The following PDE6A variants were observed in gnomAD, a reference collection of about 807,000 sequenced individuals.
PDE6A encodes the protein phosphodiesterase 6A.
Under a neutral mutation model 106.3 loss-of-function variants are expected in PDE6A, and 84 were observed. The observed-to-expected ratio is 0.79, with a 90% CI of 0.66 to 0.95. PDE6A has a LOEUF of 0.95. Ranked by LOEUF, PDE6A falls within the 40% of genes least tolerant of loss-of-function variation. The pLI is 0.00. For missense variants in PDE6A, 1,052 were observed against 1,084.9 expected (o/e 0.97, Z 0.43); for synonymous variants, 394 against 386.6 (o/e 1.02, Z -0.23).
chr5:149,917,557 T>G (rs1320266806), intron 5 of PDE6A, among the ~76,000 whole-genome samples: 1 of 152,128 alleles, frequency 6.6e-6, no homozygotes, highest in African/African-American at 2.4e-5. Context: ...ACTGAATACT[T>G]CTAGGAGGCG....
intron 13 of PDE6A, among the ~76,000 whole-genome samples, chr5:149,892,688 A>G (rs1752588972): frequency 6.6e-6 from 1 of 151,952 alleles, no homozygotes; most frequent in Non-Finnish European, 1.5e-5. Flanking sequence ...ATGGAGTTTC[A>G]CAGGCTGACC....
At chr5:149,936,135 C>G (rs1391804040) in intron 1 of PDE6A, among the ~76,000 whole-genome samples, 4 of 127,132 alleles carry the variant, frequency 3.1e-5, no homozygotes, top group African/African-American at 1.6e-4. Context: ...CCCTGGGTGA[C>G]AGAGCAAGAC....
At chr5:149,942,818 A>G (rs1285788818) in intron 1 of PDE6A, among the ~76,000 whole-genome samples, 1 of 151,862 alleles carries the variant, frequency 6.6e-6, no homozygotes, top group Non-Finnish European at 1.5e-5. Flanking sequence ...TTTATGTTTG[A>G]CTTTACACAA....
chr5:149,920,661 A>G (rs1753677705), intron 5 of PDE6A, among the ~76,000 whole-genome samples: 1 of 152,160 alleles, frequency 6.6e-6, no homozygotes, highest in African/African-American at 2.4e-5. Context: ...CTCAGCTCCA[A>G]TCAAATTTGC....
intron 1 of PDE6A, among the ~76,000 whole-genome samples, chr5:149,942,251 T>C (rs245049): frequency 0.78 from 118,898 of 152,178 alleles, 47,085 homozygotes; most frequent in African/African-American, 0.9. Context: ...GTGTGAGCCA[T>C]CACACCCAGC....
At chr5:149,913,188 C>A (rs1325079576) in intron 6 of PDE6A, among the ~76,000 whole-genome samples, 1 of 152,064 alleles carries the variant, frequency 6.6e-6, no homozygotes, top group African/African-American at 2.4e-5. Context: ...TTGAGACCAG[C>A]CTGACCAACA....
chr5:149,905,676 A>G (rs940002377), intron 7 of PDE6A, among the ~76,000 whole-genome samples: 2 of 152,134 alleles, frequency 1.3e-5, no homozygotes, highest in African/African-American at 4.8e-5. Context: ...AAATTTAGGT[A>G]GTGCCTGACT....
intron 7 of PDE6A, among the ~76,000 whole-genome samples, chr5:149,904,343 A>C (rs1163946060): frequency 6.6e-6 from 1 of 152,190 alleles, no homozygotes; most frequent in African/African-American, 2.4e-5. Context: ...AATAAATGAA[A>C]GGTGTTGTAG....
At chr5:149,894,909 G>A (rs1027723646) in intron 13 of PDE6A, among the ~76,000 whole-genome samples, 4 of 151,972 alleles carry the variant, frequency 2.6e-5, no homozygotes, top group African/African-American at 7.3e-5. Context: ...GATTACAGGC[G>A]GCCCTGTTGA....
chr5:149,867,985 T>A, intron 18 of PDE6A, 110 bp downstream of exon 18: 2 of 1,186,228 alleles, frequency 1.7e-6, no homozygotes, highest in African/African-American at 1.5e-5. Context: ...TAGAGGAGGA[T>A]GGGACACAGG....
chr5:149,938,503 A>G (rs1296836616), intron 1 of PDE6A, among the ~76,000 whole-genome samples: 1 of 152,200 alleles, frequency 6.6e-6, no homozygotes, highest in African/African-American at 2.4e-5. Context: ...TGTCCAAGAC[A>G]CTGGGCTAGG....
chr5:149,914,018 C>T (rs2113627064), intron 6 of PDE6A, among the ~76,000 whole-genome samples: 1 of 152,334 alleles, frequency 6.6e-6, no homozygotes, highest in Admixed American at 6.5e-5. Flanking sequence ...TCCTTTGCAG[C>T]TTCCTGCTTT....
intron 17 of PDE6A, among the ~76,000 whole-genome samples, chr5:149,879,228 C>G (rs184863524): frequency 5.9e-5 from 9 of 151,934 alleles, no homozygotes; most frequent in African/African-American, 2.2e-4. Context: ...CCTGCTACCT[C>G]GCCTAGATAA....
At chr5:149,898,277 T>C (rs1752833785) in intron 10 of PDE6A, 86 bp downstream of exon 10, 5 of 1,225,014 alleles carry the variant, frequency 4.1e-6, no homozygotes, top group East Asian at 4.7e-5. Context: ...TGTGCCCTCA[T>C]GGAGTTGCAA....
chr5:149,938,056 C>A (rs1025744853), intron 1 of PDE6A, among the ~76,000 whole-genome samples: 5 of 152,178 alleles, frequency 3.3e-5, no homozygotes, highest in African/African-American at 1.2e-4. Context: ...TGAGGTTGTT[C>A]TCAGTGGGTT....
intron 8 of PDE6A, among the ~76,000 whole-genome samples, chr5:149,899,735 G>A (rs1482086308): frequency 1.3e-5 from 2 of 152,156 alleles, no homozygotes; most frequent in African/African-American, 2.4e-5. Context: ...GCCATTTTGT[G>A]TTCACCCCTC....
intron 4 of PDE6A, among the ~76,000 whole-genome samples, chr5:149,924,950 G>C (rs909925275): frequency 6.6e-6 from 1 of 152,136 alleles, no homozygotes; most frequent in Non-Finnish European, 1.5e-5. Context: ...CCTAGGCTGG[G>C]ATCCTCACGC....
At chr5:149,928,235 T>A (rs868317065) in intron 4 of PDE6A, among the ~76,000 whole-genome samples, 58 of 33,044 alleles carry the variant, frequency 1.8e-3, no homozygotes, top group East Asian at 5.5e-3. Flanking sequence ...ATATATATTT[T>A]TTTTTTTTTT....
At chr5:149,898,770 G>A (rs1298216256) in intron 9 of PDE6A, among the ~76,000 whole-genome samples, 1 of 152,240 alleles carries the variant, frequency 6.6e-6, no homozygotes, top group African/African-American at 2.4e-5. Flanking sequence ...TTTTGCCTAT[G>A]TGGGGATAGG....
Sources: allele counts gnomAD v4.1 joint callset (sites outside exome capture counted in the v4.1 genomes callset), GRCh38; gene constraint gnomAD v4.1.1; transcripts MANE v1.5; gene names NCBI Gene and HGNC (gene_info 2026-07-23, HGNC 2026-07-21).